The following DZIP1 variants were observed in gnomAD, a reference collection of about 807,000 sequenced individuals.
DZIP1 encodes cilium assembly protein DZIP1.
A neutral mutation model predicts 107.6 loss-of-function variants in DZIP1; 97 were observed. The ratio of observed to expected loss-of-function variants is 0.90; its 90% confidence interval spans 0.77 to 1.07. The LOEUF (loss-of-function observed/expected upper bound fraction) is 1.07, where lower values mean the gene tolerates loss of function less well. DZIP1 is among the 50% of genes least tolerant of loss of function. The probability of loss-of-function intolerance (pLI) is 0.00; values close to 1 mark genes in which losing one functional copy is unlikely to be tolerated. For synonymous variants in DZIP1, 390 were observed against 386.4 expected, an observed-to-expected ratio of 1.01 and a Z score of -0.11; for missense variants, 1,035 against 1,063.6, an observed-to-expected ratio of 0.97 and a Z score of 0.37.
chr13:95,588,920 C>G (rs966631947), intron 19 of DZIP1, among the ~76,000 whole-genome samples: 3 of 152,170 alleles, frequency 2.0e-5, no homozygotes, highest in Admixed American at 1.3e-4. Flanking sequence ...AAGAATGACT[C>G]AGGTGTCTTG....
chr13:95,594,439 T>C (rs1210428350), intron 15 of DZIP1, among the ~76,000 whole-genome samples: 5 of 152,132 alleles, frequency 3.3e-5, no homozygotes, highest in Non-Finnish European at 7.4e-5. Flanking sequence ...AAAATTCATC[T>C]CCAAGCTCAC....
At position 95,589,857 on chromosome 13, in the gene DZIP1, T is replaced by A. The variant is rs778994353; in HGVS notation, c.1919A>T (p.Asn640Ile). Residue 640 changes from asparagine (N) to isoleucine (I), a missense_variant, in exon 18 of 23, where the codon AAC (asparagine) becomes ATC (isoleucine). Physicochemically the swap from Asn to Ile is moderately radical, Grantham distance 149. Transcript: ENST00000376829. ...VPKMIQLPSK[N>I]RQLIRQKAVS... Reference sequence around the variant, plus strand: ...AGCTTTTTGTCTAATCAGTTGTCTGTTTTTGGAAGGAAGTTGTATCATTTT... The same window carrying A: ...AGCTTTTTGTCTAATCAGTTGTCTGATTTTGGAAGGAAGTTGTATCATTTT... 2 of 1,614,054 alleles carry A rather than the reference T, an allele frequency of 1.2e-6. No homozygotes were observed. Among genetic ancestry groups the A allele is most frequent in the Non-Finnish European group, 1.7e-6 (2 of 1,180,018 alleles).
At chr13:95,595,717 TA>T (rs1345431882) in intron 15 of DZIP1, among the ~76,000 whole-genome samples, 2 of 151,696 alleles carry the variant, frequency 1.3e-5, no homozygotes, top group Non-Finnish European at 2.9e-5. Flanking sequence ...GAAATAGACA[TA>T]CCCCCTACCC....
At chr13:95,600,776 T>C (rs1409445139) in intron 14 of DZIP1, among the ~76,000 whole-genome samples, 1 of 152,162 alleles carries the variant, frequency 6.6e-6, no homozygotes, top group Non-Finnish European at 1.5e-5. Context: ...ATACAGCCTA[T>C]GACTGAGTAA....
intron 22 of DZIP1, among the ~76,000 whole-genome samples, chr13:95,582,676 T>C (rs1416128072): frequency 1.3e-5 from 2 of 152,164 alleles, no homozygotes; most frequent in Non-Finnish European, 2.9e-5. Flanking sequence ...AGTGAATAGA[T>C]GGTAAAGAAA....
intron 9 of DZIP1, among the ~76,000 whole-genome samples, chr13:95,621,233 G>A (rs781728641): frequency 6.6e-6 from 1 of 152,200 alleles, no homozygotes; most frequent in African/African-American, 2.4e-5. Context: ...CGAGGAAAAA[G>A]ACAGAAGGGC....
chr13:95,608,280 T>C (rs1398042493), intron 13 of DZIP1, among the ~76,000 whole-genome samples: 1 of 152,018 alleles, frequency 6.6e-6, no homozygotes, highest in African/African-American at 2.4e-5. Context: ...GAATTTTATA[T>C]ATACTATAAT....
At chr13:95,631,900 C>T (rs142510409) in intron 6 of DZIP1, among the ~76,000 whole-genome samples, 1 of 152,294 alleles carries the variant, frequency 6.6e-6, no homozygotes, top group Non-Finnish European at 1.5e-5. Flanking sequence ...AGCTGCTGTG[C>T]CAAGGTCACC....
Position 95,612,026 on chromosome 13 carries a change from G to A in DZIP1, c.1314+11C>T, listed in dbSNP as rs180791573. ...TAAAGAAGCACGGTGCCACACTGCC[G>A]CCAGACATACCTGCTGTCTCTGAGT... On this transcript the variant is annotated intron_variant, in intron 11 of 22. Coordinates refer to ENST00000376829, the MANE Select transcript of DZIP1 (RefSeq NM_198968.4). 150 of 1,611,892 alleles carry A rather than the reference G, an allele frequency of 9.3e-5. No individual in the cohort carries two copies. The African/African-American group carries it at 1.4e-3, about 15-fold the overall frequency.
At position 95,609,485 on chromosome 13, in the gene DZIP1, T is replaced by C. The variant is rs773024931; in HGVS notation, c.1392A>G (p.Glu464=). Residue 464 remains glutamate, a synonymous_variant, in exon 13 of 23, where the codon GAA becomes GAG. Transcript: ENST00000376829. ...KGNPLAWQAF[E]SQPAAPAVPM... ...GCACAGCTGGAGCAGCTGGCTGAGA[T>C]TCAAAAGCCTGCCAGGCTAAAGGAT... The C allele has an allele frequency of 7.5e-6, 12 of 1,589,442 alleles. No individual in the cohort carries two copies. Among genetic ancestry groups the C allele is most frequent in the Non-Finnish European group, 1.0e-5 (12 of 1,168,792 alleles).
intron 3 of DZIP1, 122 bp from the exon 4 acceptor site, chr13:95,642,363 A>T: frequency 3.4e-6 from 1 of 291,836 alleles, no homozygotes; most frequent in Non-Finnish European, 6.3e-6. Flanking sequence ...GGGGCTGGAC[A>T]CTCCATGTCC....
intron 9 of DZIP1, among the ~76,000 whole-genome samples, chr13:95,621,127 A>C (rs1488514656): frequency 2.0e-5 from 3 of 150,450 alleles, no homozygotes; most frequent in Admixed American, 6.6e-5. Context: ...ACTTTCTGAA[A>C]GCGGTACCTG....
At chr13:95,608,977 T>C (rs1310964495) in intron 13 of DZIP1, among the ~76,000 whole-genome samples, 3 of 152,232 alleles carry the variant, frequency 2.0e-5, no homozygotes, top group Admixed American at 6.5e-5. Context: ...TTCTCAACTG[T>C]AAAGATTATG....
chr13:95,600,723 T>A (rs1314100604), intron 14 of DZIP1, among the ~76,000 whole-genome samples: 1 of 152,120 alleles, frequency 6.6e-6, no homozygotes, highest in African/African-American at 2.4e-5. Flanking sequence ...ATTGGCTGTA[T>A]GGGAGAAACG....
At chr13:95,623,182 C>T (rs571260153) in intron 8 of DZIP1, among the ~76,000 whole-genome samples, 12 of 152,258 alleles carry the variant, frequency 7.9e-5, no homozygotes, top group East Asian at 7.7e-4. Context: ...GGGGACATAA[C>T]GTTTTTAATT....
chr13:95,613,421 G>C (rs1170099138), intron 10 of DZIP1, among the ~76,000 whole-genome samples: 1 of 152,002 alleles, frequency 6.6e-6, no homozygotes, highest in African/African-American at 2.4e-5. Context: ...GCTGAGGCAG[G>C]AGAATTTTTG....
At chr13:95,609,998 G>T (rs1348788737) in intron 12 of DZIP1, among the ~76,000 whole-genome samples, 2 of 149,952 alleles carry the variant, frequency 1.3e-5, no homozygotes, top group African/African-American at 4.9e-5. Context: ...TCTCCCTTCT[G>T]GTCTCTTTTT....
chr13:95,630,068 A>T lies in DZIP1; in HGVS notation c.731T>A (p.Val244Asp). 2 of 1,613,834 alleles carry T rather than the reference A, an allele frequency of 1.2e-6. No homozygotes were observed. Among genetic ancestry groups the T allele is most frequent in the Non-Finnish European group, 1.7e-6 (2 of 1,179,856 alleles). Residue 244 changes from valine (V) to aspartate (D), a missense_variant, in exon 7 of 23, where the codon GTC becomes GAC. Val to Asp is a radical substitution (Grantham distance 152, BLOSUM62 -3). Transcript: ENST00000376829. Reference protein sequence around the residue: ...AQIEKLRSEIVVLKEELQLTR... With the variant: ...AQIEKLRSEIDVLKEELQLTR... ...GAGCTGCAGCTCTTCCTTCAATACG[A>T]CGATCTCACTCCGGAGCTTCTCAAT...
intron 5 of DZIP1, among the ~76,000 whole-genome samples, chr13:95,635,990 A>G (rs570029273): frequency 5.0e-4 from 73 of 145,462 alleles, no homozygotes; most frequent in South Asian, 1.2e-3. Context: ...AGAAGGAAGG[A>G]AGGGAGGGAG....
Sources: gnomAD v4.1 joint callset for allele counts (sites outside exome capture counted in the v4.1 genomes callset) on GRCh38, gnomAD v4.1.1 for gene constraint, MANE v1.5 for transcripts, NCBI Gene and HGNC (gene_info 2026-07-23, HGNC 2026-07-21) for gene names.